Variants in PDE7B observed in about 807,000 individuals in gnomAD.
PDE7B encodes phosphodiesterase 7B, also known as 3',5'-cyclic-AMP phosphodiesterase 7B.
PDE7B carries 29 observed loss-of-function variants against 56.2 expected under a neutral mutation model. The observed-to-expected ratio is 0.52, with a 90% confidence interval of 0.38 to 0.70. The LOEUF is 0.70. PDE7B is among the 30% of genes least tolerant of loss of function. The pLI, the probability that PDE7B is intolerant of heterozygous loss-of-function variation, is 0.00. For missense variants in PDE7B, 490 were observed against 565.0 expected, an observed-to-expected ratio of 0.87 and a Z score of 1.35; for synonymous variants, 197 against 196.9, an observed-to-expected ratio of 1.00 and a Z score of 0.00.
At chr6:135,986,320 A>T (rs1775375720) in intron 2 of PDE7B, among the ~76,000 whole-genome samples, 1 of 152,246 alleles carries the variant, frequency 6.6e-6, no homozygotes. Flanking sequence ...CTAAACAAGC[A>T]AAAATGCTCT....
intron 1 of PDE7B, among the ~76,000 whole-genome samples, chr6:135,899,413 T>C (rs2128191448): frequency 6.6e-6 from 1 of 150,750 alleles, no homozygotes; most frequent in Admixed American, 6.6e-5. Context: ...TATATATAGA[T>C]TATTATGTAT....
chr6:136,172,762 T>C (rs1490162512), intron 8 of PDE7B, among the ~76,000 whole-genome samples: 1 of 152,080 alleles, frequency 6.6e-6, no homozygotes, highest in Non-Finnish European at 1.5e-5. Context: ...GTTTTTATGG[T>C]TTTAGGTCTA....
intron 3 of PDE7B, among the ~76,000 whole-genome samples, chr6:136,123,493 A>G (rs1189928309): frequency 6.6e-6 from 1 of 152,234 alleles, no homozygotes; most frequent in Non-Finnish European, 1.5e-5. Context: ...CAAATAGATT[A>G]TAACATCTCA....
rs145900160 is a variant in PDE7B at position 135,911,079 on chromosome 6, G to A, written c.22-36385G>A. On this transcript the variant is annotated intron_variant, in intron 1 of 12. Coordinates refer to ENST00000308191, the MANE Select transcript of PDE7B (RefSeq NM_018945.4). ...AGGAGGAAAAATATTTAAAATGTAA[G>A]AATTAAAAAGCAAAAACATTTGGCT... is the stretch of plus-strand genomic sequence containing the variant. 1.3e-3 allele frequency among the ~76,000 whole-genome samples: 194 copies of A among 152,224 alleles called. 2 individuals carry two copies. The highest frequency in any genetic ancestry group is 4.3e-3 in the African/African-American group (178 of 41,544).
chr6:136,175,070 C>A (rs536775694), intron 9 of PDE7B, among the ~76,000 whole-genome samples: 14 of 152,174 alleles, frequency 9.2e-5, no homozygotes, highest in African/African-American at 3.1e-4. Flanking sequence ...TCTGGGGTGA[C>A]CAGACTTCTC....
At chr6:136,127,188 G>A (rs1007479362) in intron 3 of PDE7B, among the ~76,000 whole-genome samples, 3 of 152,210 alleles carry the variant, frequency 2.0e-5, no homozygotes, top group African/African-American at 7.2e-5. Context: ...CCTCTGTTGT[G>A]TAGAAGAGCC....
chr6:136,108,158 T>C (rs1033196946), intron 2 of PDE7B, among the ~76,000 whole-genome samples: 1 of 146,196 alleles, frequency 6.8e-6, no homozygotes, highest in Non-Finnish European at 1.5e-5. Context: ...GAAATATATA[T>C]ATACATATAA....
At chr6:136,006,490 A>C (rs1775786454) in intron 2 of PDE7B, among the ~76,000 whole-genome samples, 1 of 152,036 alleles carries the variant, frequency 6.6e-6, no homozygotes, top group Non-Finnish European at 1.5e-5. Context: ...TGAATTTGTA[A>C]ATTTCTTTGG....
At chr6:135,949,590 A>G (rs1774661169) in intron 2 of PDE7B, among the ~76,000 whole-genome samples, 1 of 152,126 alleles carries the variant, frequency 6.6e-6, no homozygotes, top group South Asian at 2.1e-4. Flanking sequence ...AACACCTTAC[A>G]TAATTAGATC....
intron 2 of PDE7B, among the ~76,000 whole-genome samples, chr6:136,048,467 C>T (rs928389600): frequency 6.6e-6 from 1 of 152,060 alleles, no homozygotes; most frequent in Non-Finnish European, 1.5e-5. Flanking sequence ...TTGCAGTGAG[C>T]CGAGATTGTG....
At chr6:135,900,170 GTCT>G (rs1562431094) in intron 1 of PDE7B, among the ~76,000 whole-genome samples, 1 of 151,760 alleles carries the variant, frequency 6.6e-6, no homozygotes, top group Non-Finnish European at 1.5e-5. Flanking sequence ...TTAGCATGAA[GTCT>G]TCTCTTTTTT....
chr6:135,940,901 G>A (rs1774496648), intron 1 of PDE7B, among the ~76,000 whole-genome samples: 1 of 152,148 alleles, frequency 6.6e-6, no homozygotes, highest in Non-Finnish European at 1.5e-5. Flanking sequence ...ATTAACATTG[G>A]GAGCGCCCAT....
In PDE7B at chr6:135,909,831, A is replaced by G. The variant is rs561741100; in HGVS notation, c.22-37633A>G. Among the ~76,000 whole-genome samples, 12 of 152,230 alleles carry G rather than the reference A, an allele frequency of 7.9e-5. No individual in the cohort carries two copies. In the South Asian group the frequency reaches 2.5e-3, roughly 32 times the overall value. ...CAGTGCTGGTGGAGACAAAAGTGCA[A>G]GGTACAGCATTGCAAGGTCAGCAGC... is the stretch of plus-strand genomic sequence containing the variant. On this transcript the variant is annotated intron_variant, in intron 1 of 12. Coordinates refer to ENST00000308191, the MANE Select transcript of PDE7B (RefSeq NM_018945.4).
intron 2 of PDE7B, among the ~76,000 whole-genome samples, chr6:135,952,444 T>C (rs2128200213): frequency 6.6e-6 from 1 of 152,256 alleles, no homozygotes; most frequent in African/African-American, 2.4e-5. Flanking sequence ...ACCTACAAGG[T>C]CGTGTGCTTA....
intron 2 of PDE7B, chr6:136,094,746 T>C (rs1290077997): frequency 1.3e-5 from 2 of 152,232 alleles, no homozygotes; most frequent in African/African-American, 4.8e-5. Flanking sequence ...ATCTGTTTTG[T>C]TCACTGCTAT....
chr6:135,989,033 T>A (rs190257772), intron 2 of PDE7B, among the ~76,000 whole-genome samples: 2 of 152,340 alleles, frequency 1.3e-5, no homozygotes, highest in African/African-American at 4.8e-5. Context: ...GTCTCTTTTT[T>A]TATGTTGGGA....
At chr6:135,893,585 C>G (rs948246871) in intron 1 of PDE7B, among the ~76,000 whole-genome samples, 1 of 152,060 alleles carries the variant, frequency 6.6e-6, no homozygotes, top group African/African-American at 2.4e-5. Context: ...CTAGTTCAAC[C>G]ATTGTGGAAG....
In PDE7B at chr6:135,912,158, C is replaced by T. The variant is rs139938828; in HGVS notation, c.22-35306C>T. On this transcript the variant is annotated intron_variant, in intron 1 of 12. Transcript: ENST00000308191. Reference sequence around the variant, plus strand: ...CATGCAACACTGTGACCAGCATAAGCGAAGAGTTGCTATACATTAAGAGTT... The same window carrying T: ...CATGCAACACTGTGACCAGCATAAGTGAAGAGTTGCTATACATTAAGAGTT... Among the ~76,000 whole-genome samples, 33 of 152,210 alleles carry T rather than the reference C, an allele frequency of 2.2e-4. No homozygotes were observed. The East Asian group carries it at 5.4e-3, about 25-fold the overall frequency.
rs141925700 is a variant in PDE7B at position 135,952,960 on chromosome 6, T to C, written c.82+5436T>C. On this transcript the variant is annotated intron_variant, in intron 2 of 12. Transcript: ENST00000308191. ...ATAAGCTCCTAGGTACTGGGTAGTATTAAGTACAGCCATTCATCAGCTACT... is the reference window on the plus strand; with the variant it reads ...ATAAGCTCCTAGGTACTGGGTAGTACTAAGTACAGCCATTCATCAGCTACT... Among the ~76,000 whole-genome samples the C allele has an allele frequency of 1.9e-4, 29 of 152,250 alleles. No homozygotes were observed. The East Asian group carries it at 5.6e-3, about 29-fold the overall frequency.
Sources: allele counts gnomAD v4.1 joint callset (sites outside exome capture counted in the v4.1 genomes callset), GRCh38; gene constraint gnomAD v4.1.1; transcripts MANE v1.5; gene names NCBI Gene and HGNC (gene_info 2026-07-23, HGNC 2026-07-21).